MMP3: variants seen among roughly 807,000 people sequenced by gnomAD.
MMP3 encodes the protein matrix metallopeptidase 3, also known as stromelysin-1.
In MMP3, 46 loss-of-function variants were observed where a neutral mutation model predicts 47.3. The ratio of observed to expected loss-of-function variants is 0.97; its 90% CI spans 0.77 to 1.24. The LOEUF (loss-of-function observed/expected upper bound fraction) is 1.24. MMP3 is among the 50% of genes most tolerant of loss of function. The probability of loss-of-function intolerance (pLI) is 0.00; values close to 1 mark genes in which losing one functional copy is unlikely to be tolerated. For synonymous variants in MMP3, 216 were observed against 206.5 expected, an observed-to-expected ratio of 1.05 and a Z score of -0.39; for missense variants, 558 against 565.5, an observed-to-expected ratio of 0.99 and a Z score of 0.13.
At chr11:102,843,102 T>A (rs1294830478) in intron 1 of MMP3, among the ~76,000 whole-genome samples, 186 bp from the exon 2 acceptor site, 1 of 117,202 alleles carries the variant, frequency 8.5e-6, no homozygotes, top group Non-Finnish European at 1.7e-5. Flanking sequence ...TTACGTTGCA[T>A]TAAAAAAAAA....
At chr11:102,841,913 A>G (rs1341876257) in intron 4 of MMP3, among the ~76,000 whole-genome samples, 19 of 152,204 alleles carry the variant, frequency 1.2e-4, no homozygotes, top group Admixed American at 1.2e-3. Flanking sequence ...CTAGATCACA[A>G]AGATCCAGTC....
chr11:102,839,751 A>G (rs907607319), intron 6 of MMP3, among the ~76,000 whole-genome samples: 1 of 152,244 alleles, frequency 6.6e-6, no homozygotes, highest in Non-Finnish European at 1.5e-5. Context: ...ATATTGATCC[A>G]TCAGTAAGTA....
chr11:102,837,397 C>G lies in MMP3; in HGVS notation c.1234G>C (p.Asp412His). The change falls in exon 9 of 10, where the codon GAT becomes CAT. Residue 412 changes from aspartate to histidine, a missense_variant. By Grantham distance (81) the Asp-to-His change is moderately conservative (BLOSUM62 -1). Transcript: ENST00000299855. The surrounding 1 kb of genome is among the most constrained non-coding windows in gnomAD (Gnocchi z 4.4). ...GGCTCCATGGAATTTCTCTTCTCAT[C>G]AAATCTGTACCAAGTAAAAGAAACA... Reference protein sequence around the residue: ...FFVEDKYWRFDEKRNSMEPGF... With the variant: ...FFVEDKYWRFHEKRNSMEPGF... The G allele has an allele frequency of 6.2e-7, 1 of 1,612,406 alleles. No individual in the cohort carries two copies.
rs782155762 is a variant in MMP3 at position 102,843,504 on chromosome 11, A to C, written c.43T>G (p.Cys15Gly). 1 of 1,613,760 alleles carries C rather than the reference A, an allele frequency of 6.2e-7. No individual in the cohort carries two copies. The highest frequency in any genetic ancestry group is 8.5e-7 in the Non-Finnish European group (1 of 1,179,824). The change falls in exon 1 of 10, where the codon TGC becomes GGC. Residue 15 changes from cysteine to glycine, a missense_variant. Transcript: ENST00000299855. ...GCTCCATCCAATGGATAGGCTGAGC[A>C]AACTGCCACGCACAGCAACAGTAGG... The part of the protein sequence containing the change: ...PILLLLCVAV[C>G]SAYPLDGAAR...
At chr11:102,840,312 C>T in intron 5 of MMP3, 60 bp from the exon 6 acceptor site, 2 of 1,595,378 alleles carry the variant, frequency 1.3e-6, no homozygotes, top group South Asian at 2.3e-5. Context: ...TGTATGCTTT[C>T]CAAACATTCT....
In MMP3 at chr11:102,842,505, T is replaced by A. The variant is rs782241431; in HGVS notation, c.425A>T (p.Glu142Val). The stretch of plus-strand genomic sequence containing the variant: ...GGAGAATGTGAGTGGAGTCACCTCT[T>A]CCCAGACTTTCAGAGCTTTCTCAAC... ...SAVEKALKVW[E>V]EVTPLTFSRL... is the part of the protein sequence containing the mutation. Residue 142 changes from glutamate (E) to valine (V), a missense_variant, in exon 3 of 10, where the codon GAA (glutamate) becomes GTA (valine). Glu to Val is a moderately radical substitution (Grantham distance 121, BLOSUM62 -2). Transcript: ENST00000299855. 2 of 1,587,422 alleles carry A rather than the reference T, an allele frequency of 1.3e-6. No homozygotes were observed. Among genetic ancestry groups the A allele is most frequent in the Non-Finnish European group, 8.6e-7 (1 of 1,164,360 alleles).
chr11:102,843,397 A>C, intron 1 of MMP3, 45 bp downstream of exon 1: 1 of 1,387,472 alleles, frequency 7.2e-7, no homozygotes, highest in Non-Finnish European at 1.0e-6. Flanking sequence ...GTTTCAGCTT[A>C]CTCTGGAAGC....
At position 102,842,877 on chromosome 11, in the gene MMP3, T is replaced by C; in HGVS notation, c.145A>G (p.Lys49Glu). The change falls in exon 2 of 10, where the codon AAA becomes GAA. Residue 49 changes from lysine (K) to glutamate (E), a missense_variant. Coordinates refer to ENST00000299855, the MANE Select transcript of MMP3 (RefSeq NM_002422.5). The part of the protein sequence containing the change: ...ENYYDLKKDV[K>E]QFVRRKDSGP... The stretch of plus-strand genomic sequence containing the variant: ...CTGTCCTTTCTCCTAACAAACTGTT[T>C]CACATCTTTTTTGAGGTCGTAGTAG... 1.2e-6 allele frequency: 2 copies of C among 1,612,720 alleles called. No homozygotes were observed. Among genetic ancestry groups the C allele is most frequent in the African/African-American group, 1.3e-5 (1 of 74,996 alleles).
chr11:102,842,404 C>CTTTT (rs11418340), intron 3 of MMP3, 27 bp downstream of exon 3: 12,379 of 798,686 alleles, frequency 0.015, 222 homozygotes, highest in African/African-American at 0.032. Context: ...TTTTGTTTTG[C>CTTTT]TTTTTTTTTT....
chr11:102,838,460 A>G, intron 8 of MMP3, 91 bp downstream of exon 8: 1 of 1,338,418 alleles, frequency 7.5e-7, no homozygotes, highest in Non-Finnish European at 1.0e-6. Context: ...AGAGAGAAGC[A>G]GGCCTAAGGT....
intron 7 of MMP3, 133 bp downstream of exon 7, chr11:102,838,977 C>A (rs2134398640): frequency 2.1e-6 from 2 of 956,406 alleles, no homozygotes; most frequent in East Asian, 2.4e-5. Context: ...ATGATATCAG[C>A]CCTGGTTATT....
chr11:102,837,211 T>G lies in MMP3; in HGVS notation c.1333+87A>C. 1 of 1,015,302 alleles carries G rather than the reference T, an allele frequency of 9.8e-7. No individual in the cohort carries two copies. The highest frequency in any genetic ancestry group is 1.5e-6 in the Non-Finnish European group (1 of 661,716). The allele number at this position is 1,015,302 out of a possible 1,614,324, so 62.9% of individuals were successfully genotyped here. ...GGAACTGGCCCTAAGAAACACTTGTTATTAAAAAGTTTCAATGCTCCTCTT... is the reference window on the plus strand; with the variant it reads ...GGAACTGGCCCTAAGAAACACTTGTGATTAAAAAGTTTCAATGCTCCTCTT... On this transcript the variant is annotated intron_variant, in intron 9 of 9. Coordinates refer to ENST00000299855, the MANE Select transcript of MMP3 (RefSeq NM_002422.5). This position sits in a 1 kb window ranked among gnomAD's most constrained non-coding sequence, Gnocchi z 4.4.
At chr11:102,840,354 T>C (rs1201992483) in intron 5 of MMP3, 75 bp downstream of exon 5, 3 of 1,587,452 alleles carry the variant, frequency 1.9e-6, no homozygotes, top group Middle Eastern at 1.7e-4. Flanking sequence ...ATAAATACTT[T>C]ATGTAGCATT....
intron 4 of MMP3, among the ~76,000 whole-genome samples, 168 bp from the exon 5 acceptor site, chr11:102,840,761 C>G (rs1858983328): frequency 6.6e-6 from 1 of 152,122 alleles, no homozygotes; most frequent in South Asian, 2.1e-4. Context: ...TAATGGAAAG[C>G]TAAGTGTATT....
At position 102,836,506 on chromosome 11, in the gene MMP3, A is replaced by G. The variant is rs1450548190; in HGVS notation, c.1334-280T>C. The G allele has an allele frequency of 3.7e-6, 2 of 536,280 alleles. No homozygotes were observed. Among genetic ancestry groups the G allele is most frequent in the Non-Finnish European group, 3.7e-6 (1 of 270,132 alleles). The allele number at this position is 536,280 out of a possible 1,614,324, so 33.2% of individuals were successfully genotyped here. On this transcript the variant is annotated intron_variant, in intron 9 of 9. Transcript: ENST00000299855. The surrounding 1 kb of genome is among the most constrained non-coding windows in gnomAD (Gnocchi z 4.6). ...GGTTACTCAGCAAGGAAGAATGGAG[A>G]CAGCACTCGGTGCCAGCTCTGTCTG...
At chr11:102,841,184 A>G (rs1555005374) in intron 4 of MMP3, among the ~76,000 whole-genome samples, 4 of 152,228 alleles carry the variant, frequency 2.6e-5, no homozygotes, top group Non-Finnish European at 1.5e-5. Context: ...ACAGATTTAG[A>G]ATACATAAAC....
Position 102,837,913 on chromosome 11 carries a change from A to G in MMP3, c.1230-512T>C, listed in dbSNP as rs1302722193. Among the ~76,000 whole-genome samples, 3 of 152,122 alleles carry G rather than the reference A, an allele frequency of 2.0e-5. No homozygotes were observed. Among genetic ancestry groups the G allele is most frequent in the Admixed American group, 6.5e-5 (1 of 15,276 alleles). On this transcript the variant is annotated intron_variant, in intron 8 of 9. Transcript: ENST00000299855. This position sits in a 1 kb window ranked among gnomAD's most constrained non-coding sequence, Gnocchi z 4.4. ...GCTGGATATCAGATGGTCGGCCTCGATGTCTCAAAGTCTGGCCAAATGACC... is the reference window on the plus strand; with the variant it reads ...GCTGGATATCAGATGGTCGGCCTCGGTGTCTCAAAGTCTGGCCAAATGACC...
chr11:102,837,610 A>T lies in MMP3; in HGVS notation c.1230-209T>A, dbSNP rs1308360224. On this transcript the variant is annotated intron_variant, in intron 8 of 9. Transcript: ENST00000299855. The surrounding 1 kb of genome is among the most constrained non-coding windows in gnomAD (Gnocchi z 4.4). Reference sequence around the variant, plus strand: ...TATCTCCATCCGGAACAGGGGCCGCATCCTGCTGTATGTAGCACATGCTGT... The same window carrying T: ...TATCTCCATCCGGAACAGGGGCCGCTTCCTGCTGTATGTAGCACATGCTGT... 6.6e-6 allele frequency among the ~76,000 whole-genome samples: 1 copy of T among 152,172 alleles called. No homozygotes were observed. The highest frequency in any genetic ancestry group is 1.9e-4 in the East Asian group (1 of 5,204).
In MMP3 at chr11:102,840,508, G is replaced by T. The variant is rs782213288; in HGVS notation, c.711C>A (p.Tyr237Ter). Residue 237 changes from tyrosine (Y) to a stop codon, truncating the protein, a stop_gained, in exon 5 of 10, where the codon TAC becomes TAA. Transcript: ENST00000299855. LOFTEE classifies it high-confidence loss of function. ...GGTCTGTGAGTGAGTGATAGAGTGG[G>T]TACATCAAAGCTTCAGTGTTGGCTG... The part of the protein sequence containing the change: ...FHSANTEALM[Y>*]PLYHSLTDLT... The T allele has an allele frequency of 2.5e-6, 4 of 1,613,962 alleles. No individual in the cohort carries two copies. In the African/African-American group the frequency reaches 5.3e-5, roughly 22 times the overall value.
Sources: allele counts gnomAD v4.1 joint callset (sites outside exome capture counted in the v4.1 genomes callset), GRCh38; gene constraint gnomAD v4.1.1; non-coding constraint Gnocchi (gnomAD v3.1); transcripts MANE v1.5; gene names NCBI Gene and HGNC (gene_info 2026-07-23, HGNC 2026-07-21).